The following AADACL2 variants were observed in gnomAD, a reference collection of about 807,000 sequenced individuals.
AADACL2 encodes arylacetamide deacetylase like 2, also known as arylacetamide deacetylase-like 2.
A neutral mutation model predicts 22.3 loss-of-function variants in AADACL2; 23 were observed. That is an observed-to-expected ratio of 1.03 (90% confidence interval 0.74 to 1.46). AADACL2 has a LOEUF of 1.46. Among genes scored for constraint, AADACL2 ranks in the 40% most tolerant of loss-of-function variants. The probability of loss-of-function intolerance (pLI) is 0.00; values close to 1 mark genes in which losing one functional copy is unlikely to be tolerated. For missense variants in AADACL2, 472 were observed against 482.9 expected (o/e 0.98, Z 0.21); for synonymous variants, 177 against 166.2 (o/e 1.07, Z -0.50).
chr3:151,735,024 G>C (rs192891470), intron 1 of AADACL2, among the ~76,000 whole-genome samples: 1 of 152,162 alleles, frequency 6.6e-6, no homozygotes, highest in South Asian at 2.1e-4. Context: ...ATAAAAAGAA[G>C]AGGCTGTCTT....
chr3:151,757,642 G>C lies in AADACL2; in HGVS notation c.*48G>C. The stretch of plus-strand genomic sequence containing the variant: ...CCTTACATAGTGGATTGTAATTTGT[G>C]ATATTTTGTGGTTTTGGAGCAAAGA... On this transcript the variant is annotated 3_prime_UTR_variant, in exon 5 of 5. Transcript: ENST00000356517. The C allele has an allele frequency of 6.5e-7, 1 of 1,526,884 alleles. No homozygotes were observed. Among genetic ancestry groups the C allele is most frequent in the Non-Finnish European group, 8.8e-7 (1 of 1,139,276 alleles). The allele number at this position is 1,526,884 out of a possible 1,614,324, so 94.6% of individuals were successfully genotyped here.
intron 4 of AADACL2, among the ~76,000 whole-genome samples, chr3:151,747,844 T>G (rs370489718): frequency 7.2e-5 from 11 of 152,266 alleles, no homozygotes; most frequent in East Asian, 3.9e-4. Flanking sequence ...TTTAATTTTT[T>G]GAGGAAACTC....
intron 4 of AADACL2, among the ~76,000 whole-genome samples, chr3:151,748,132 T>A (rs893926964): frequency 1.3e-5 from 2 of 152,168 alleles, no homozygotes; most frequent in African/African-American, 4.8e-5. Context: ...ATCCCATATA[T>A]CTATTTTTGC....
intron 4 of AADACL2, among the ~76,000 whole-genome samples, chr3:151,751,222 C>T (rs1713656151): frequency 6.6e-6 from 1 of 152,142 alleles, no homozygotes; most frequent in African/African-American, 2.4e-5. Context: ...GATTATTATA[C>T]TAATTACTAT....
rs1264345778 is a variant in AADACL2 at position 151,759,500 on chromosome 3, T to C, written c.*1906T>C. 4 of 152,186 alleles carry C rather than the reference T, an allele frequency of 2.6e-5. No individual in the cohort carries two copies. The allele number at this position is 152,186 out of a possible 1,614,324, so 9.4% of individuals were successfully genotyped here. On this transcript the variant is annotated 3_prime_UTR_variant, in exon 5 of 5. Coordinates refer to ENST00000356517, the MANE Select transcript of AADACL2 (RefSeq NM_207365.4). Reference sequence around the variant, plus strand: ...CTACACTAGTGTGTCATGTCACTAGTATGTACTTTCAAGCCTTTAAACAGA... The same window carrying C: ...CTACACTAGTGTGTCATGTCACTAGCATGTACTTTCAAGCCTTTAAACAGA...
intron 1 of AADACL2, among the ~76,000 whole-genome samples, chr3:151,738,799 T>A (rs1713179850): frequency 6.6e-6 from 1 of 152,244 alleles, no homozygotes; most frequent in Admixed American, 6.5e-5. Flanking sequence ...CTATTGATAC[T>A]TGTATATGCC....
At chr3:151,744,268 T>C (rs565219646) in intron 3 of AADACL2, 106 bp downstream of exon 3, 107 of 1,033,958 alleles carry the variant, frequency 1.0e-4, no homozygotes, top group Non-Finnish European at 1.3e-4. Context: ...TTTAAATTAA[T>C]ATATTTTACT....
chr3:151,735,470 T>C (rs1184566705), intron 1 of AADACL2, among the ~76,000 whole-genome samples: 1 of 152,196 alleles, frequency 6.6e-6, no homozygotes, highest in East Asian at 1.9e-4. Flanking sequence ...CGTCTTTAAA[T>C]TATAAGGGTT....
At chr3:151,752,134 T>C (rs56339496) in intron 4 of AADACL2, among the ~76,000 whole-genome samples, 176 of 152,206 alleles carry the variant, frequency 1.2e-3, no homozygotes, top group African/African-American at 4.1e-3. Flanking sequence ...TTATTACCTG[T>C]ACTGTGTTTA....
chr3:151,747,682 C>T (rs943823919), intron 4 of AADACL2, among the ~76,000 whole-genome samples: 3 of 151,376 alleles, frequency 2.0e-5, no homozygotes, highest in Non-Finnish European at 2.9e-5. Flanking sequence ...ATCCATTTAT[C>T]CGGCTGACAA....
chr3:151,738,362 C>T (rs997728476), intron 1 of AADACL2, among the ~76,000 whole-genome samples: 3 of 152,164 alleles, frequency 2.0e-5, no homozygotes, highest in African/African-American at 7.2e-5. Context: ...GCAGAGAAAT[C>T]CAGTGTTAGT....
intron 3 of AADACL2, among the ~76,000 whole-genome samples, chr3:151,745,274 C>T (rs2107984513): frequency 6.6e-6 from 1 of 152,232 alleles, no homozygotes; most frequent in East Asian, 1.9e-4. Context: ...CTAGGAAGTT[C>T]ATAACACTCC....
In AADACL2 at chr3:151,757,555, A is replaced by G; in HGVS notation, c.1167A>G (p.Ile389Met). 2.5e-6 allele frequency: 4 copies of G among 1,612,512 alleles called. No individual in the cohort carries two copies. Among genetic ancestry groups the G allele is most frequent in the Non-Finnish European group, 3.4e-6 (4 of 1,179,024 alleles). ...SPFYLRLGLR[I>M]RDMYVSWLDK... The stretch of plus-strand genomic sequence containing the variant: ...TTTATTTACGTCTAGGTCTTAGGAT[A>G]AGAGATATGTATGTAAGTTGGCTGG... Residue 389 changes from isoleucine to methionine, a missense_variant, in exon 5 of 5, where the codon ATA (isoleucine) becomes ATG (methionine). Coordinates refer to ENST00000356517, the MANE Select transcript of AADACL2 (RefSeq NM_207365.4).
At chr3:151,745,360 T>C (rs1240365049) in intron 3 of AADACL2, 149 bp from the exon 4 acceptor site, 2 of 756,006 alleles carry the variant, frequency 2.6e-6, no homozygotes, top group Non-Finnish European at 4.2e-6. Context: ...TTAAAATAAT[T>C]TTCATTTTAA....
intron 1 of AADACL2, among the ~76,000 whole-genome samples, chr3:151,735,947 C>T (rs558125794): frequency 5.3e-5 from 8 of 152,024 alleles, no homozygotes; most frequent in Non-Finnish European, 7.4e-5. Context: ...CAAAAGTCCT[C>T]GAGAAGCTGG....
chr3:151,746,081 A>C (rs111355987), intron 4 of AADACL2, among the ~76,000 whole-genome samples: 1 of 152,136 alleles, frequency 6.6e-6, no homozygotes, highest in South Asian at 2.1e-4. Context: ...ATTAATGTAC[A>C]TGGCATGTCT....
chr3:151,740,947 C>A, intron 2 of AADACL2, 79 bp downstream of exon 2: 1 of 1,149,634 alleles, frequency 8.7e-7, no homozygotes, highest in Non-Finnish European at 1.2e-6. Context: ...AATATACACA[C>A]TTATACTGAT....
chr3:151,745,713 G>A (rs1185666574), intron 4 of AADACL2, 33 bp downstream of exon 4: 4 of 1,537,176 alleles, frequency 2.6e-6, no homozygotes, highest in Middle Eastern at 1.7e-4. Context: ...ATAGGAGGCA[G>A]AAATTGAGGC....
chr3:151,740,771 C>T lies in AADACL2; in HGVS notation c.264C>T (p.Asp88=), dbSNP rs1347462283. 1 of 1,613,992 alleles carries T rather than the reference C, an allele frequency of 6.2e-7. No individual in the cohort carries two copies. Among genetic ancestry groups the T allele is most frequent in the Non-Finnish European group, 8.5e-7 (1 of 1,179,932 alleles). Reference sequence around the variant, plus strand: ...CAGTGACTGATACAACATTTGTTGACATTCCAGTACGATTGTACTTGCCAA... The same window carrying T: ...CAGTGACTGATACAACATTTGTTGATATTCCAGTACGATTGTACTTGCCAA... ...YITVTDTTFV[D]IPVRLYLPKR... Residue 88 remains aspartate, a synonymous_variant, in exon 2 of 5, where the codon GAC becomes GAT. Transcript: ENST00000356517.
Sources: gnomAD v4.1 joint callset for allele counts (sites outside exome capture counted in the v4.1 genomes callset) on GRCh38, gnomAD v4.1.1 for gene constraint, MANE v1.5 for transcripts, NCBI Gene and HGNC (gene_info 2026-07-23, HGNC 2026-07-21) for gene names.